COL15A1: variants seen among roughly 807,000 people sequenced by gnomAD.
The protein encoded by COL15A1 is collagen alpha-1(XV) chain.
In COL15A1, 111 loss-of-function variants were observed where a neutral mutation model predicts 165.9. The ratio of observed to expected loss-of-function variants is 0.67; its 90% CI spans 0.57 to 0.78. The LOEUF (loss-of-function observed/expected upper bound fraction) is 0.78. Ranked by LOEUF, COL15A1 falls within the 30% of genes least tolerant of loss-of-function variation. The pLI is 0.00. For missense variants in COL15A1, 1,745 were observed against 1,789.7 expected (o/e 0.98, Z 0.45); for synonymous variants, 659 against 674.8 (o/e 0.98, Z 0.36).
chr9:99,011,705 A>G lies in COL15A1; in HGVS notation c.1354-3712A>G, dbSNP rs181166313. On this transcript the variant is annotated intron_variant, in intron 9 of 41. Coordinates refer to ENST00000375001, the MANE Select transcript of COL15A1 (RefSeq NM_001855.5). ...AATATACCCAACTAATGAAATATCT[A>G]TTATTTAATTTAACTTTAGATTCTA... Among the ~76,000 whole-genome samples, 19 of 152,276 alleles carry G rather than the reference A, an allele frequency of 1.2e-4. No individual in the cohort carries two copies. The East Asian group carries it at 2.7e-3, about 22-fold the overall frequency.
At chr9:99,052,660 A>G (rs1291696191) in intron 31 of COL15A1, among the ~76,000 whole-genome samples, 1 of 152,190 alleles carries the variant, frequency 6.6e-6, no homozygotes, top group Non-Finnish European at 1.5e-5. Context: ...CTAGTTGGCA[A>G]CAAGCACTCT....
At chr9:98,979,053 G>A (rs1838188909) in intron 2 of COL15A1, among the ~76,000 whole-genome samples, 2 of 152,040 alleles carry the variant, frequency 1.3e-5, no homozygotes, top group African/African-American at 4.8e-5. Context: ...AGTACTTAAG[G>A]AATCACATCT....
intron 2 of COL15A1, among the ~76,000 whole-genome samples, chr9:98,979,873 G>A (rs895405184): frequency 6.6e-6 from 1 of 152,076 alleles, no homozygotes; most frequent in African/African-American, 2.4e-5. Flanking sequence ...TGAGGTGATT[G>A]GAGGCTGAGC....
At chr9:98,984,311 G>C (rs1042296293) in intron 2 of COL15A1, among the ~76,000 whole-genome samples, 3 of 152,210 alleles carry the variant, frequency 2.0e-5, no homozygotes, top group Non-Finnish European at 4.4e-5. Flanking sequence ...CTGCAAGCTA[G>C]TCTGCAGCTT....
chr9:99,029,651 C>T (rs1287596662), intron 16 of COL15A1, among the ~76,000 whole-genome samples: 3 of 152,218 alleles, frequency 2.0e-5, no homozygotes, highest in South Asian at 2.1e-4. Context: ...TGGCTGGGTA[C>T]GGTGGCTCAC....
At chr9:98,979,554 A>G (rs1838199174) in intron 2 of COL15A1, among the ~76,000 whole-genome samples, 1 of 152,014 alleles carries the variant, frequency 6.6e-6, no homozygotes, top group South Asian at 2.1e-4. Context: ...TTTACTTTGC[A>G]TATTAGAGAA....
intron 9 of COL15A1, among the ~76,000 whole-genome samples, chr9:99,010,472 A>T (rs148104344): frequency 2.2e-4 from 33 of 152,320 alleles, no homozygotes; most frequent in African/African-American, 7.7e-4. Flanking sequence ...GGCAAAAGAG[A>T]CAGTGAGAAG....
intron 26 of COL15A1, among the ~76,000 whole-genome samples, chr9:99,045,633 T>C (rs1311627161): frequency 6.6e-6 from 1 of 152,156 alleles, no homozygotes; most frequent in African/African-American, 2.4e-5. Context: ...AAGAAGTGAC[T>C]CTCAGAATCC....
At chr9:99,015,866 G>A (rs1365826792) in intron 10 of COL15A1, 110 bp from the exon 11 acceptor site, 2 of 1,326,476 alleles carry the variant, frequency 1.5e-6, no homozygotes, top group African/African-American at 1.5e-5. Context: ...ATGATCGTAG[G>A]TAAGAACGTG....
intron 2 of COL15A1, among the ~76,000 whole-genome samples, chr9:98,969,251 C>T (rs886410231): frequency 1.3e-5 from 2 of 152,282 alleles, no homozygotes; most frequent in African/African-American, 4.8e-5. Flanking sequence ...TACTAACTAC[C>T]ACCACCGCTA....
intron 5 of COL15A1, among the ~76,000 whole-genome samples, chr9:98,995,619 C>G (rs753581344): frequency 3.9e-5 from 6 of 152,182 alleles, no homozygotes; most frequent in Non-Finnish European, 8.8e-5. Flanking sequence ...AACCCTCCAC[C>G]CCTGTGTTCT....
At position 99,067,127 on chromosome 9, in the gene COL15A1, G is replaced by A. The variant is rs1825908444; in HGVS notation, c.3837+60G>A. 4 of 1,428,790 alleles carry A rather than the reference G, an allele frequency of 2.8e-6. No individual in the cohort carries two copies. In the South Asian group the frequency reaches 5.1e-5, roughly 18 times the overall value. 88.5% of individuals were successfully genotyped at this position (1,428,790 alleles called of 1,614,324 possible). On this transcript the variant is annotated intron_variant, in intron 40 of 41. Coordinates refer to ENST00000375001, the MANE Select transcript of COL15A1 (RefSeq NM_001855.5). ...TGCATTGGTCGCTACAGGGCCTGGA[G>A]GCAGTTTTCATTCCTGACATCAACA... is the stretch of plus-strand genomic sequence containing the variant.
At chr9:99,041,545 G>A (rs1391953505) in intron 23 of COL15A1, among the ~76,000 whole-genome samples, 1 of 152,160 alleles carries the variant, frequency 6.6e-6, no homozygotes, top group African/African-American at 2.4e-5. Context: ...AGCAATGGAG[G>A]AGTGCAGAGA....
chr9:99,036,547 G>C, intron 21 of COL15A1, 151 bp downstream of exon 21: 1 of 689,116 alleles, frequency 1.5e-6, no homozygotes, highest in Non-Finnish European at 2.4e-6. Context: ...GCACCTACCT[G>C]TTCCTCCCCC....
Position 98,948,596 on chromosome 9 carries a change from C to CAA in COL15A1, c.100+4366_100+4367dup, listed in dbSNP as rs67986686. Among the ~76,000 whole-genome samples, 597 of 100,284 alleles carry CAA rather than the reference C, an allele frequency of 6.0e-3. 14 individuals carry two copies. The highest frequency in any genetic ancestry group is 0.013 in the African/African-American group (330 of 26,172). 65.8% of individuals were successfully genotyped at this position (100,284 alleles called of 152,430 possible). A position where few individuals can be genotyped will look rare whatever the true frequency, so the allele number is the denominator to read the frequency against. ...CTGGCAACAGAGGGAGACTCTGTCTCAAAAAAAAAAAAAAAAAAAAAGAGA... is the reference window on the plus strand; with the variant it reads ...CTGGCAACAGAGGGAGACTCTGTCTCAAAAAAAAAAAAAAAAAAAAAAAGAGA... On this transcript the variant is annotated intron_variant, in intron 2 of 41. Coordinates refer to ENST00000375001, the MANE Select transcript of COL15A1 (RefSeq NM_001855.5).
chr9:99,040,444 G>T, intron 22 of COL15A1, 77 bp from the exon 23 acceptor site: 1 of 1,612,012 alleles, frequency 6.2e-7, no homozygotes, highest in Non-Finnish European at 8.5e-7. Context: ...TTTGGAAGGG[G>T]CTGGGAGGGA....
At chr9:98,952,934 T>C (rs1177754885) in intron 2 of COL15A1, among the ~76,000 whole-genome samples, 2 of 152,246 alleles carry the variant, frequency 1.3e-5, no homozygotes, top group Non-Finnish European at 2.9e-5. Context: ...TGCTTGTTAC[T>C]TTGTGCTATG....
intron 24 of COL15A1, among the ~76,000 whole-genome samples, chr9:99,042,453 A>G (rs1292306059): frequency 6.6e-6 from 1 of 152,232 alleles, no homozygotes; most frequent in South Asian, 2.1e-4. Context: ...TAATTTGGAA[A>G]GAGAACTCAA....
intron 36 of COL15A1, among the ~76,000 whole-genome samples, chr9:99,060,247 TATATA>T (rs199869945): frequency 0.025 from 3,158 of 125,000 alleles, 131 homozygotes; most frequent in African/African-American, 0.1. Flanking sequence ...TATATATATA[TATATA>T]TATATTTTTT....
Sources: gnomAD v4.1 joint callset for allele counts (sites outside exome capture counted in the v4.1 genomes callset) on GRCh38, gnomAD v4.1.1 for gene constraint, MANE v1.5 for transcripts, NCBI Gene and HGNC (gene_info 2026-07-23, HGNC 2026-07-21) for gene names.